PAFAH1B1: variants seen among roughly 807,000 people sequenced by gnomAD.
The protein encoded by PAFAH1B1 is platelet-activating factor acetylhydrolase IB subunit beta.
A neutral mutation model predicts 57.5 loss-of-function variants in PAFAH1B1; 2 were observed. The observed-to-expected ratio is 0.03, with a 90% confidence interval of 0.01 to 0.11. The LOEUF (loss-of-function observed/expected upper bound fraction) is 0.11. Among genes scored for constraint, PAFAH1B1 ranks in the 10% least tolerant of loss-of-function variants. The probability of loss-of-function intolerance (pLI) is 1.00; values close to 1 mark genes in which losing one functional copy is unlikely to be tolerated. For synonymous variants in PAFAH1B1, 152 were observed against 169.6 expected (o/e 0.90, Z 0.81); for missense variants, 257 against 512.0 (o/e 0.50, Z 4.81).
At position 2,593,862 on chromosome 17, in the gene PAFAH1B1, C is replaced by T. The variant is rs886052707; in HGVS notation, c.-335C>T. ...CCGCCCGCTCCCCTCCCCTCCCCCT[C>T]CCCGGGCCCGGGCCCAGCGCGCCAT... On this transcript the variant is annotated 5_prime_UTR_variant, in exon 1 of 11. Transcript: ENST00000397195. 76 of 279,080 alleles carry T rather than the reference C, an allele frequency of 2.7e-4. No individual in the cohort carries two copies. The highest frequency in any genetic ancestry group is 2.2e-3 in the Middle Eastern group (2 of 892). The allele number at this position is 279,080 out of a possible 1,614,324, so 17.3% of individuals were successfully genotyped here. A position where few individuals can be genotyped will look rare whatever the true frequency, so the allele number is the denominator to read the frequency against.
At chr17:2,621,454 C>T (rs1321760824) in intron 1 of PAFAH1B1, among the ~76,000 whole-genome samples, 1 of 152,152 alleles carries the variant, frequency 6.6e-6, no homozygotes, top group Non-Finnish European at 1.5e-5. Context: ...GGAAACATTG[C>T]TTAACAGATT....
At chr17:2,636,169 A>G (rs768224965) in intron 1 of PAFAH1B1, among the ~76,000 whole-genome samples, 22 of 152,146 alleles carry the variant, frequency 1.4e-4, no homozygotes, top group East Asian at 3.9e-4. Flanking sequence ...TAAGTACCAA[A>G]GAAGTATGGT....
intron 2 of PAFAH1B1, chr17:2,640,951 C>G (rs1018285929): frequency 6.6e-6 from 1 of 152,116 alleles, no homozygotes; most frequent in African/African-American, 2.4e-5. Flanking sequence ...ACCATGCAAA[C>G]ATTCATGTTT....
intron 1 of PAFAH1B1, chr17:2,613,835 A>AATCC (rs1299891574): frequency 3.8e-6 from 1 of 260,428 alleles, no homozygotes; most frequent in Non-Finnish European, 7.7e-6. Flanking sequence ...CAGGGGCAGG[A>AATCC]ATCCGTAGCC....
chr17:2,665,670 C>T (rs556074055), intron 3 of PAFAH1B1, among the ~76,000 whole-genome samples: 1 of 151,910 alleles, frequency 6.6e-6, no homozygotes, highest in East Asian at 1.9e-4. Flanking sequence ...GGCGTGATCT[C>T]GGCTCACTGC....
chr17:2,624,356 C>T (rs1195124045), intron 1 of PAFAH1B1, among the ~76,000 whole-genome samples: 1 of 152,146 alleles, frequency 6.6e-6, no homozygotes, highest in East Asian at 1.9e-4. Context: ...TTCAGCAATT[C>T]CGCGTTCTAC....
At chr17:2,603,741 C>CTT (rs540782310) in intron 1 of PAFAH1B1, among the ~76,000 whole-genome samples, 55 of 144,350 alleles carry the variant, frequency 3.8e-4, no homozygotes, top group East Asian at 6.1e-4. Context: ...TCTCCAGATT[C>CTT]TTTTTTTTTT....
intron 1 of PAFAH1B1, among the ~76,000 whole-genome samples, chr17:2,597,054 CTG>C (rs1567520568): frequency 6.6e-6 from 1 of 151,750 alleles, no homozygotes; most frequent in East Asian, 1.9e-4. Context: ...GAGCAAGACT[CTG>C]TCAAAAACAA....
chr17:2,665,189 A>G (rs2069090001), intron 2 of PAFAH1B1, among the ~76,000 whole-genome samples, 183 bp from the exon 3 acceptor site: 1 of 151,878 alleles, frequency 6.6e-6, no homozygotes, highest in African/African-American at 2.4e-5. Flanking sequence ...ATGTAGTATG[A>G]CAGGGGCTAA....
At chr17:2,672,189 C>T (rs567678794) in intron 6 of PAFAH1B1, among the ~76,000 whole-genome samples, 2 of 134,870 alleles carry the variant, frequency 1.5e-5, no homozygotes, top group South Asian at 2.5e-4. Context: ...CAGGCTGAGG[C>T]GGGAAGAGCT....
intron 1 of PAFAH1B1, among the ~76,000 whole-genome samples, chr17:2,630,634 CT>C (rs2068543678): frequency 6.6e-6 from 1 of 152,120 alleles, no homozygotes. Context: ...CTTTGTGCTT[CT>C]TGTATTTGAA....
At chr17:2,600,250 C>A (rs114132417) in intron 1 of PAFAH1B1, among the ~76,000 whole-genome samples, 13,272 of 151,708 alleles carry the variant, frequency 0.087, 1,572 homozygotes, top group African/African-American at 0.27. Flanking sequence ...CCAGCCCAAT[C>A]CATTTTTAAT....
intron 2 of PAFAH1B1, among the ~76,000 whole-genome samples, chr17:2,647,743 G>A (rs574496728): frequency 6.6e-6 from 1 of 151,980 alleles, no homozygotes; most frequent in Non-Finnish European, 1.5e-5. Context: ...GGTGGCTCAC[G>A]CCTGTAATCC....
intron 1 of PAFAH1B1, among the ~76,000 whole-genome samples, chr17:2,629,063 CTG>C (rs1226725506): frequency 6.6e-6 from 1 of 151,834 alleles, no homozygotes; most frequent in Non-Finnish European, 1.5e-5. Context: ...ATCTTTTGTA[CTG>C]TGTTTTTTTG....
At chr17:2,626,845 G>A (rs888867044) in intron 1 of PAFAH1B1, among the ~76,000 whole-genome samples, 6 of 151,940 alleles carry the variant, frequency 3.9e-5, no homozygotes, top group Admixed American at 6.6e-5. Context: ...GAGCCACCCC[G>A]CCTGGGTGCA....
At chr17:2,614,655 G>T (rs1002262069) in intron 1 of PAFAH1B1, among the ~76,000 whole-genome samples, 2 of 152,058 alleles carry the variant, frequency 1.3e-5, no homozygotes, top group African/African-American at 4.8e-5. Flanking sequence ...GCTCACCAAA[G>T]CCTTGAACTC....
At chr17:2,669,130 A>G (rs889546104) in intron 5 of PAFAH1B1, among the ~76,000 whole-genome samples, 1 of 152,192 alleles carries the variant, frequency 6.6e-6, no homozygotes, top group Non-Finnish European at 1.5e-5. Flanking sequence ...TTAAAAGTTT[A>G]TACTTTTTGA....
At chr17:2,657,482 G>A (rs2068952361) in intron 2 of PAFAH1B1, among the ~76,000 whole-genome samples, 1 of 152,220 alleles carries the variant, frequency 6.6e-6, no homozygotes. Context: ...GACCTCAAGT[G>A]ATCCACCCAC....
intron 2 of PAFAH1B1, chr17:2,642,446 G>C (rs2068708192): frequency 6.6e-6 from 1 of 152,130 alleles, no homozygotes; most frequent in Non-Finnish European, 1.5e-5. Flanking sequence ...ATTGCCTTCA[G>C]TCTGTATGTA....
Sources: allele counts gnomAD v4.1 joint callset (sites outside exome capture counted in the v4.1 genomes callset), GRCh38; gene constraint gnomAD v4.1.1; transcripts MANE v1.5; gene names NCBI Gene and HGNC (gene_info 2026-07-23, HGNC 2026-07-21).